TMEM236: variants seen among roughly 807,000 people sequenced by gnomAD.
TMEM236 encodes family with sequence similarity 23, member A.
In TMEM236, 11 loss-of-function variants were observed where a neutral mutation model predicts 14.7. That is an observed-to-expected ratio of 0.75 (90% CI 0.47 to 1.24). The LOEUF (loss-of-function observed/expected upper bound fraction) is 1.24. TMEM236 is among the 50% of genes most tolerant of loss of function. The pLI, the probability that TMEM236 is intolerant of heterozygous loss-of-function variation, is 0.00. For synonymous variants in TMEM236, 182 were observed against 168.6 expected (o/e 1.08, Z -0.62); for missense variants, 464 against 427.3 (o/e 1.09, Z -0.76).
intron 1 of TMEM236, among the ~76,000 whole-genome samples, chr10:17,765,415 A>G (rs1024471966): frequency 1.1e-4 from 17 of 152,248 alleles, no homozygotes; most frequent in Admixed American, 5.2e-4. Context: ...CCAAATCTCA[A>G]CTACACATCA....
intron 1 of TMEM236, among the ~76,000 whole-genome samples, chr10:17,760,652 A>T (rs1271475570): frequency 6.6e-6 from 1 of 152,180 alleles, no homozygotes; most frequent in Non-Finnish European, 1.5e-5. Flanking sequence ...CCAGTGTATT[A>T]GTCTGTTCTC....
Position 17,782,633 on chromosome 10 carries a change from G to T in TMEM236, c.472+6463G>T, listed in dbSNP as rs971345443. 2.2e-4 allele frequency among the ~76,000 whole-genome samples: 34 copies of T among 152,060 alleles called. No homozygotes were observed. The East Asian group carries it at 4.8e-3, about 22-fold the overall frequency. The stretch of plus-strand genomic sequence containing the variant: ...CGTCCCTCTAATTTTTGTATTTTTA[G>T]TAGAGACGGGATTTCACCGTGTTGG... On this transcript the variant is annotated intron_variant, in intron 3 of 3. Transcript: ENST00000377495.
At chr10:17,760,111 G>A (rs1005048173) in intron 1 of TMEM236, among the ~76,000 whole-genome samples, 1 of 151,730 alleles carries the variant, frequency 6.6e-6, no homozygotes, top group Admixed American at 6.6e-5. Flanking sequence ...TGGACACACG[G>A]GCTAACCTGA....
chr10:17,780,643 A>G lies in TMEM236; in HGVS notation c.472+4473A>G, dbSNP rs956792373. Among the ~76,000 whole-genome samples the G allele has an allele frequency of 1.4e-4, 21 of 152,282 alleles. No individual in the cohort carries two copies. In the South Asian group the frequency reaches 3.9e-3, roughly 29 times the overall value. On this transcript the variant is annotated intron_variant, in intron 3 of 3. Transcript: ENST00000377495. ...TGGGCCTCCAAGAACTAAGGCGTGT[A>G]TGTAGCAAATGGCCATGTTTGGGAA...
At chr10:17,759,726 G>T (rs1837328525) in intron 1 of TMEM236, among the ~76,000 whole-genome samples, 1 of 152,036 alleles carries the variant, frequency 6.6e-6, no homozygotes, top group Non-Finnish European at 1.5e-5. Flanking sequence ...TGAGGCACAG[G>T]AGTTAGAAGA....
At chr10:17,793,624 C>T (rs929885701) in intron 3 of TMEM236, among the ~76,000 whole-genome samples, 8 of 152,100 alleles carry the variant, frequency 5.3e-5, no homozygotes, top group African/African-American at 1.7e-4. Flanking sequence ...GCTGGGATTC[C>T]AGGTGCCCAC....
chr10:17,762,192 A>G (rs1489882943), intron 1 of TMEM236, among the ~76,000 whole-genome samples: 3 of 152,162 alleles, frequency 2.0e-5, no homozygotes, highest in African/African-American at 7.2e-5. Flanking sequence ...ATTTGAAGGC[A>G]GTGGCATCAT....
chr10:17,775,853 T>C (rs1461618920), intron 2 of TMEM236, among the ~76,000 whole-genome samples, 176 bp from the exon 3 acceptor site: 1 of 152,206 alleles, frequency 6.6e-6, no homozygotes, highest in Non-Finnish European at 1.5e-5. Flanking sequence ...TTATGACAGC[T>C]TTAGAAATGA....
At chr10:17,783,776 C>T (rs1415074679) in intron 3 of TMEM236, among the ~76,000 whole-genome samples, 2 of 152,178 alleles carry the variant, frequency 1.3e-5, no homozygotes, top group African/African-American at 4.8e-5. Flanking sequence ...TATTCCATTT[C>T]CTCTCTTGCA....
chr10:17,772,864 T>C (rs1331841827), intron 2 of TMEM236, among the ~76,000 whole-genome samples: 1 of 152,204 alleles, frequency 6.6e-6, no homozygotes. Context: ...TTTCCAGAAG[T>C]CACTTCTAAC....
At chr10:17,776,280 C>T (rs1441908140) in intron 3 of TMEM236, 110 bp downstream of exon 3, 2 of 1,049,024 alleles carry the variant, frequency 1.9e-6, no homozygotes, top group Non-Finnish European at 1.4e-6. Flanking sequence ...TTAGGGCTAA[C>T]ATTACTGATA....
intron 2 of TMEM236, among the ~76,000 whole-genome samples, chr10:17,771,615 C>T (rs1265199534): frequency 1.3e-5 from 2 of 152,076 alleles, no homozygotes; most frequent in East Asian, 3.9e-4. Flanking sequence ...GTGTGTGAGA[C>T]AGTAATGATA....
At chr10:17,768,310 A>C (rs1480418805) in intron 1 of TMEM236, among the ~76,000 whole-genome samples, 2 of 152,034 alleles carry the variant, frequency 1.3e-5, no homozygotes, top group Non-Finnish European at 2.9e-5. Context: ...GAAATGATTA[A>C]ATTGTTTCTC....
In TMEM236 at chr10:17,795,877, A is replaced by T. The variant is rs969739307; in HGVS notation, c.473-44A>T. 1.3e-3 allele frequency: 2,076 copies of T among 1,572,336 alleles called. 15 individuals carry two copies. The African/African-American group carries it at 0.025, about 19-fold the overall frequency. On this transcript the variant is annotated intron_variant, in intron 3 of 3. Transcript: ENST00000377495. ...TTGAATAACATTTGAGCTAAAATGG[A>T]TACATTTTAAAAACTAAAATGTAAA...
intron 3 of TMEM236, among the ~76,000 whole-genome samples, chr10:17,786,156 T>C (rs1837834196): frequency 6.6e-6 from 1 of 152,228 alleles, no homozygotes; most frequent in South Asian, 2.1e-4. Context: ...CAGAATACTT[T>C]GGAAACAAAT....
At position 17,768,085 on chromosome 10, in the gene TMEM236, G is replaced by GTTTTTTTTTT. The variant is rs1181734908; in HGVS notation, c.258-3224_258-3223insTTTTTTTTTT. Among the ~76,000 whole-genome samples the GTTTTTTTTTT allele has an allele frequency of 2.1e-3, 208 of 98,792 alleles. 6 individuals are homozygous for GTTTTTTTTTT. The highest frequency in any genetic ancestry group is 7.7e-3 in the African/African-American group (191 of 24,784). The allele number at this position is 98,792 out of a possible 152,430, so 64.8% of individuals were successfully genotyped here. A position where few individuals can be genotyped will look rare whatever the true frequency, so the allele number is the denominator to read the frequency against. ...ACCACCACACCTCGCTAATTTTTGT[G>GTTTTTTTTTT]GTTTTTTTTTTTTTTTTTTTTTTGT... On this transcript the variant is annotated intron_variant, in intron 1 of 3. Coordinates refer to ENST00000377495, the MANE Select transcript of TMEM236 (RefSeq NM_001098844.3).
chr10:17,771,450 A>G lies in TMEM236; in HGVS notation c.330+69A>G. 4 of 1,484,262 alleles carry G rather than the reference A, an allele frequency of 2.7e-6. No homozygotes were observed. In the South Asian group the frequency reaches 4.5e-5, roughly 17 times the overall value. 91.9% of individuals were successfully genotyped at this position (1,484,262 alleles called of 1,614,324 possible). On this transcript the variant is annotated intron_variant, in intron 2 of 3. Transcript: ENST00000377495. ...TATAATTTCTTGTTATTGGAATTTGATAGAGCAGCGTGCTCAACAAATTTC... is the reference window on the plus strand; with the variant it reads ...TATAATTTCTTGTTATTGGAATTTGGTAGAGCAGCGTGCTCAACAAATTTC...
chr10:17,773,640 A>G (rs1022692363), intron 2 of TMEM236, among the ~76,000 whole-genome samples: 4 of 152,088 alleles, frequency 2.6e-5, no homozygotes, highest in Non-Finnish European at 4.4e-5. Context: ...TCCAGGCATC[A>G]TTGTGTCTTT....
intron 1 of TMEM236, among the ~76,000 whole-genome samples, chr10:17,768,086 G>GTTTTTTTTTTTTT (rs879036347): frequency 1.7e-4 from 16 of 92,020 alleles, no homozygotes; most frequent in African/African-American, 2.6e-4. Context: ...AATTTTTGTG[G>GTTTTTTTTTTTTT]TTTTTTTTTT....
Sources: allele counts gnomAD v4.1 joint callset (sites outside exome capture counted in the v4.1 genomes callset), GRCh38; gene constraint gnomAD v4.1.1; transcripts MANE v1.5; gene names NCBI Gene and HGNC (gene_info 2026-07-23, HGNC 2026-07-21).